RAP1GAP2: variants seen among roughly 807,000 people sequenced by gnomAD.
RAP1GAP2 encodes the protein rap1 GTPase-activating protein 2.
A neutral mutation model predicts 95.0 loss-of-function variants in RAP1GAP2; 27 were observed. The ratio of observed to expected loss-of-function variants is 0.28; its 90% CI spans 0.21 to 0.39. RAP1GAP2 has a LOEUF of 0.39. RAP1GAP2 is among the 10% of genes least tolerant of loss of function. The probability of loss-of-function intolerance (pLI) is 1.00; values close to 1 mark genes in which losing one functional copy is unlikely to be tolerated. For synonymous variants in RAP1GAP2, 373 were observed against 380.9 expected, an observed-to-expected ratio of 0.98 and a Z score of 0.24; for missense variants, 771 against 970.0, an observed-to-expected ratio of 0.79 and a Z score of 2.72.
intron 3 of RAP1GAP2, among the ~76,000 whole-genome samples, chr17:2,927,227 C>T (rs1359267558): frequency 6.6e-6 from 1 of 151,524 alleles, no homozygotes; most frequent in African/African-American, 2.4e-5. Context: ...GATCTCGGCT[C>T]ACTGCAAGCT....
At chr17:2,807,962 G>T (rs1034429209) in intron 2 of RAP1GAP2, among the ~76,000 whole-genome samples, 2 of 152,208 alleles carry the variant, frequency 1.3e-5, no homozygotes, top group Non-Finnish European at 2.9e-5. Context: ...GCGCCCTGGG[G>T]TGAGGCCTCG....
At chr17:2,949,684 TA>T (rs67818621) in intron 3 of RAP1GAP2, among the ~76,000 whole-genome samples, 136,909 of 151,870 alleles carry the variant, frequency 0.9, 63,005 homozygotes, top group Non-Finnish European at 1. Context: ...CCCTGAGCGT[TA>T]ACTGAGTGCC....
chr17:2,887,855 G>A (rs1180962430), intron 2 of RAP1GAP2, among the ~76,000 whole-genome samples: 1 of 150,252 alleles, frequency 6.7e-6, no homozygotes, highest in African/African-American at 2.5e-5. Flanking sequence ...TGTACTTTTA[G>A]TAGAGAAGGG....
chr17:2,773,060 G>A (rs1480849477), upstream of RAP1GAP2, among the ~76,000 whole-genome samples: 2 of 151,972 alleles, frequency 1.3e-5, no homozygotes, highest in Non-Finnish European at 2.9e-5. Flanking sequence ...GTTTCACTAT[G>A]TTGGCTAGGC....
intron 2 of RAP1GAP2, among the ~76,000 whole-genome samples, chr17:2,861,477 CTTTT>C (rs560177617): frequency 7.5e-6 from 1 of 132,520 alleles, no homozygotes; most frequent in African/African-American, 2.8e-5. Flanking sequence ...TCTCTGGGGT[CTTTT>C]TTTTTTTTTT....
rs533330822 is a variant in RAP1GAP2, at chr17:2,874,431, C to T, written c.81-30853C>T. Among the ~76,000 whole-genome samples, 290 of 152,230 alleles carry T rather than the reference C, an allele frequency of 1.9e-3. 1 individual carries two copies. Among genetic ancestry groups the T allele is most frequent in the African/African-American group, 5.2e-3 (215 of 41,552 alleles). On this transcript the variant is annotated intron_variant, in intron 2 of 24. Transcript: ENST00000254695. ...TTTAGGTCCTCCTCACCTGAGGCCC[C>T]GGGCTGACGGAGGCATTGGAAGCTT...
chr17:2,828,049 A>T (rs2070658094), intron 2 of RAP1GAP2, among the ~76,000 whole-genome samples: 1 of 151,812 alleles, frequency 6.6e-6, no homozygotes, highest in Admixed American at 6.6e-5. Context: ...TTAGAATTTA[A>T]CTTATCCTGG....
At chr17:2,952,985 T>C (rs2043970717) in intron 3 of RAP1GAP2, among the ~76,000 whole-genome samples, 1 of 151,822 alleles carries the variant, frequency 6.6e-6, no homozygotes, top group South Asian at 2.1e-4. Context: ...TTGTTATTTT[T>C]AGTAGAGACA....
intron 1 of RAP1GAP2, among the ~76,000 whole-genome samples, chr17:2,798,698 C>A (rs1002453561): frequency 1.3e-5 from 2 of 152,134 alleles, no homozygotes; most frequent in African/African-American, 4.8e-5. Flanking sequence ...CCTTGGCTTC[C>A]TGAAAGGGAA....
chr17:2,839,250 C>T (rs1348328828), intron 2 of RAP1GAP2, among the ~76,000 whole-genome samples: 1 of 151,846 alleles, frequency 6.6e-6, no homozygotes, highest in African/African-American at 2.4e-5. Context: ...TTGAGTGAAC[C>T]AGTGAGCCGA....
At chr17:2,998,150 C>T in intron 13 of RAP1GAP2, 71 bp from the exon 14 acceptor site, 1 of 1,499,120 alleles carries the variant, frequency 6.7e-7, no homozygotes, top group Non-Finnish European at 9.2e-7. Context: ...GAAAGTGAAC[C>T]CACTCTTTCC....
intron 10 of RAP1GAP2, among the ~76,000 whole-genome samples, chr17:2,982,087 GTCTGGTGAGGAAGAGAGGCCCCAT>G (rs2045382397): frequency 6.6e-6 from 1 of 152,186 alleles, no homozygotes; most frequent in Admixed American, 6.5e-5. Context: ...GAGATGAAAT[GTCTGGTGAGGAAGAGAGGCCCCAT>G]TCCAGCAGAG....
upstream of RAP1GAP2, among the ~76,000 whole-genome samples, chr17:2,795,230 G>C (rs1306127145): frequency 6.7e-6 from 1 of 149,758 alleles, no homozygotes; most frequent in Admixed American, 6.7e-5. Flanking sequence ...TTTCTCCACT[G>C]CTTGGGGGTA....
intron 1 of RAP1GAP2, among the ~76,000 whole-genome samples, chr17:2,759,941 GAT>G (rs1420588699): frequency 1.3e-5 from 2 of 152,106 alleles, no homozygotes; most frequent in Non-Finnish European, 2.9e-5. Context: ...TATTGAAAAA[GAT>G]ATTGCCAACC....
Position 2,797,551 on chromosome 17 carries a change from C to T in RAP1GAP2, c.44+980C>T. The stretch of plus-strand genomic sequence containing the variant: ...GGACTAATGGGGGTGGCACGAAGGG[C>T]GAGGGGGAGAGGGGCTGTGTTCCTC... On this transcript the variant is annotated intron_variant, in intron 1 of 24. Transcript: ENST00000254695. This position sits in a 1 kb window ranked among gnomAD's most constrained non-coding sequence, Gnocchi z 5.6. 1.1e-5 allele frequency: 3 copies of T among 282,446 alleles called. No homozygotes were observed. Among genetic ancestry groups the T allele is most frequent in the Non-Finnish European group, 1.6e-5 (3 of 188,560 alleles). The allele number at this position is 282,446 out of a possible 1,614,324, so 17.5% of individuals were successfully genotyped here. A position where few individuals can be genotyped will look rare whatever the true frequency, so the allele number is the denominator to read the frequency against.
chr17:2,974,823 A>G (rs1218033099), intron 8 of RAP1GAP2, among the ~76,000 whole-genome samples: 2 of 152,196 alleles, frequency 1.3e-5, no homozygotes, highest in African/African-American at 4.8e-5. Context: ...TAGGAGATAA[A>G]AGGAGGATTA....
chr17:2,944,683 G>C (rs532900492), intron 3 of RAP1GAP2, among the ~76,000 whole-genome samples: 1 of 151,644 alleles, frequency 6.6e-6, no homozygotes, highest in South Asian at 2.1e-4. Flanking sequence ...CTAGGATTCT[G>C]ATAGAGATCG....
In RAP1GAP2 at chr17:2,819,081, C is replaced by T. The variant is rs1005275271; in HGVS notation, c.80+18531C>T. ...TCGCCCAGGCTGGAATGCAGTGGCGCGATCTTGGCTCACTGCAAGCTCCGC... is the reference window on the plus strand; with the variant it reads ...TCGCCCAGGCTGGAATGCAGTGGCGTGATCTTGGCTCACTGCAAGCTCCGC... On this transcript the variant is annotated intron_variant, in intron 2 of 24. Transcript: ENST00000254695. 1.3e-4 allele frequency among the ~76,000 whole-genome samples: 20 copies of T among 150,314 alleles called. 1 individual carries two copies. Among genetic ancestry groups the T allele is most frequent in the Admixed American group, 1.1e-3 (16 of 15,092 alleles).
chr17:2,811,787 C>T (rs2069777402), intron 2 of RAP1GAP2, among the ~76,000 whole-genome samples: 2 of 152,174 alleles, frequency 1.3e-5, no homozygotes, highest in Admixed American at 1.3e-4. Flanking sequence ...CCACGTTGAG[C>T]AGGCTGGTCC....
Sources: allele counts gnomAD v4.1 joint callset (sites outside exome capture counted in the v4.1 genomes callset), GRCh38; gene constraint gnomAD v4.1.1; non-coding constraint Gnocchi (gnomAD v3.1); transcripts MANE v1.5; gene names NCBI Gene and HGNC (gene_info 2026-07-23, HGNC 2026-07-21).